The following ZNF451 variants were observed in gnomAD, a reference collection of about 807,000 sequenced individuals.
The protein encoded by ZNF451 is E3 SUMO-protein ligase ZNF451.
A neutral mutation model predicts 107.1 loss-of-function variants in ZNF451; 80 were observed. That is an observed-to-expected ratio of 0.75 (90% confidence interval 0.62 to 0.90). The LOEUF is 0.90. Among genes scored for constraint, ZNF451 ranks in the 40% least tolerant of loss-of-function variants. The pLI is 0.00. For missense variants in ZNF451, 1,107 were observed against 1,236.2 expected (o/e 0.90, Z 1.57); for synonymous variants, 362 against 406.5 (o/e 0.89, Z 1.32).
At chr6:57,109,367 A>G (rs1343776338) in intron 3 of ZNF451, 4 of 985,268 alleles carry the variant, frequency 4.1e-6, no homozygotes, top group Non-Finnish European at 4.8e-6. Context: ...GAATGGTGCA[A>G]AGCACATGGT....
chr6:57,148,722 C>A, intron 10 of ZNF451, 29 bp downstream of exon 10: 1 of 1,534,928 alleles, frequency 6.5e-7, no homozygotes, highest in Non-Finnish European at 8.7e-7. Context: ...ATGCAAATTT[C>A]ATATACTGAT....
chr6:57,168,061 A>C (rs965917728), intron 14 of ZNF451, among the ~76,000 whole-genome samples: 4 of 152,132 alleles, frequency 2.6e-5, no homozygotes, highest in Non-Finnish European at 5.9e-5. Flanking sequence ...CTTTCTGTTT[A>C]AAGTCTTATA....
At chr6:57,091,261 T>C (rs1372846827) in intron 2 of ZNF451, among the ~76,000 whole-genome samples, 1 of 44,796 alleles carries the variant, frequency 2.2e-5, no homozygotes, top group East Asian at 5.4e-4. Context: ...GGAAGGGTTG[T>C]GAGAGCCCAG....
intron 3 of ZNF451, among the ~76,000 whole-genome samples, chr6:57,121,373 C>T (rs1384085294): frequency 6.6e-6 from 1 of 152,024 alleles, no homozygotes; most frequent in Non-Finnish European, 1.5e-5. Context: ...TTTTGCCTCT[C>T]CATATACACT....
At position 57,147,210 on chromosome 6, in the gene ZNF451, CA is replaced by C; in HGVS notation, c.1126del (p.Ser376AlafsTer74). On this transcript the variant is annotated frameshift_variant, in exon 10 of 15. Transcript: ENST00000370706. LOFTEE classifies it high-confidence loss of function. Reference sequence around the variant, plus strand: ...GCAATCAAGTCTTTGTGGATGAAACCAGCACCCAAAATCATAAGCAGAATTC... The same window carrying C: ...GCAATCAAGTCTTTGTGGATGAAACCGCACCCAAAATCATAAGCAGAATTC... Reference protein sequence around the residue: ...DCNQVFVDETSTQNHKQNSGH... With the variant: ...DCNQVFVDETXTQNHKQNSGH... 1 of 1,613,976 alleles carries C rather than the reference CA, an allele frequency of 6.2e-7. No individual in the cohort carries two copies. Among genetic ancestry groups the C allele is most frequent in the African/African-American group, 1.3e-5 (1 of 75,004 alleles).
intron 13 of ZNF451, among the ~76,000 whole-genome samples, chr6:57,157,271 ATTG>A (rs1481532729): frequency 6.6e-6 from 1 of 152,192 alleles, no homozygotes; most frequent in Non-Finnish European, 1.5e-5. Context: ...TCTTTTGAAT[ATTG>A]TTATCAGAAT....
chr6:57,100,143 C>T (rs746600874), intron 3 of ZNF451, among the ~76,000 whole-genome samples: 2 of 149,360 alleles, frequency 1.3e-5, no homozygotes, highest in African/African-American at 2.4e-5. Flanking sequence ...CCTAAAATGA[C>T]TCTAATGGGG....
At chr6:57,102,363 TG>T in intron 3 of ZNF451, 1 of 1,120,510 alleles carries the variant, frequency 8.9e-7, no homozygotes, top group Non-Finnish European at 1.1e-6. Flanking sequence ...CAAAAATAAG[TG>T]TGGAGGAGGA....
chr6:57,109,759 A>G (rs1830028050), intron 3 of ZNF451: 1 of 896,802 alleles, frequency 1.1e-6, no homozygotes, highest in Non-Finnish European at 1.3e-6. Context: ...GCTCATAATA[A>G]TAAAATAAGA....
At chr6:57,102,475 C>G in intron 3 of ZNF451, 1 of 996,260 alleles carries the variant, frequency 1.0e-6, no homozygotes, top group South Asian at 4.5e-5. Context: ...GATTTTGAAT[C>G]TAGAAATAAT....
At chr6:57,156,900 A>G (rs749359662) in intron 13 of ZNF451, among the ~76,000 whole-genome samples, 6 of 152,170 alleles carry the variant, frequency 3.9e-5, no homozygotes, top group East Asian at 1.9e-4. Context: ...TTGTGCTCCT[A>G]TGAGAATCTA....
chr6:57,094,251 C>T (rs1829184223), intron 2 of ZNF451, among the ~76,000 whole-genome samples: 1 of 151,902 alleles, frequency 6.6e-6, no homozygotes, highest in African/African-American at 2.4e-5. Context: ...TGCTTCTGCC[C>T]CTAAATTGTG....
At chr6:57,136,502 A>G (rs1831434161) in intron 7 of ZNF451, among the ~76,000 whole-genome samples, 1 of 152,158 alleles carries the variant, frequency 6.6e-6, no homozygotes, top group South Asian at 2.1e-4. Context: ...TGAAGACCTT[A>G]AAGTGAAACC....
chr6:57,109,268 T>C, intron 3 of ZNF451: 8 of 985,324 alleles, frequency 8.1e-6, no homozygotes, highest in Non-Finnish European at 8.4e-6. Context: ...TTGTTCAATG[T>C]TGTTTATTAC....
At chr6:57,105,047 T>C in intron 3 of ZNF451, 14 of 985,158 alleles carry the variant, frequency 1.4e-5, no homozygotes, top group Non-Finnish European at 1.6e-5. Flanking sequence ...GATAATGTTA[T>C]AAAACTTAAA....
intron 5 of ZNF451, 26 bp from the exon 6 acceptor site, chr6:57,133,016 T>G (rs1171586774): frequency 6.2e-7 from 1 of 1,613,014 alleles, no homozygotes; most frequent in South Asian, 1.1e-5. Context: ...AATAATAACC[T>G]AAGAATTCAT....
chr6:57,120,595 A>C (rs1409571696), intron 3 of ZNF451, among the ~76,000 whole-genome samples: 4 of 152,220 alleles, frequency 2.6e-5, no homozygotes, highest in Admixed American at 2.0e-4. Flanking sequence ...GGCCGTTCTA[A>C]TAGATGTATA....
intron 3 of ZNF451, chr6:57,107,434 C>T: frequency 1.0e-6 from 1 of 985,256 alleles, no homozygotes; most frequent in Non-Finnish European, 1.2e-6. Context: ...ATATCTCAAA[C>T]TACTTTGATT....
At chr6:57,106,564 C>T (rs1829870709) in intron 3 of ZNF451, 2 of 976,642 alleles carry the variant, frequency 2.0e-6, no homozygotes, top group Non-Finnish European at 1.2e-6. Context: ...CCTTGGCCTC[C>T]CAAAGTGCTG....
Sources: gnomAD v4.1 joint callset for allele counts (sites outside exome capture counted in the v4.1 genomes callset) on GRCh38, gnomAD v4.1.1 for gene constraint, MANE v1.5 for transcripts, NCBI Gene and HGNC (gene_info 2026-07-23, HGNC 2026-07-21) for gene names.